RSU1: variants seen among roughly 807,000 people sequenced by gnomAD.
RSU1 encodes Ras suppressor protein 1.
A neutral mutation model predicts 31.1 loss-of-function variants in RSU1; 26 were observed. That is an observed-to-expected ratio of 0.84 (90% confidence interval 0.61 to 1.16). RSU1 has a LOEUF of 1.16. Among genes scored for constraint, RSU1 ranks in the 50% most tolerant of loss-of-function variants. The pLI is 0.00. For synonymous variants in RSU1, 164 were observed against 136.3 expected (o/e 1.20, Z -1.41); for missense variants, 320 against 339.1 (o/e 0.94, Z 0.44).
rs954737564 is a variant in RSU1, at chr10:16,782,708, T to C, written c.110-624A>G. Among the ~76,000 whole-genome samples the C allele has an allele frequency of 1.6e-4, 24 of 152,292 alleles. No individual in the cohort carries two copies. In the Middle Eastern group the frequency reaches 0.01, roughly 65 times the overall value. Reference sequence around the variant, plus strand: ...TGCTCTCTGGCTTCAAACATTATCATGGTGGTTTAATCTGCTCAGTAAGAT... The same window carrying C: ...TGCTCTCTGGCTTCAAACATTATCACGGTGGTTTAATCTGCTCAGTAAGAT... On this transcript the variant is annotated intron_variant, in intron 2 of 8. Coordinates refer to ENST00000345264, the MANE Select transcript of RSU1 (RefSeq NM_012425.4).
intron 8 of RSU1, among the ~76,000 whole-genome samples, chr10:16,661,301 T>C (rs866502495): frequency 0.01 from 1,504 of 149,780 alleles, 22 homozygotes; most frequent in African/African-American, 0.035. Flanking sequence ...TGTGTGTGTG[T>C]GTGTGTGTGT....
intron 8 of RSU1, among the ~76,000 whole-genome samples, chr10:16,662,951 C>CG (rs1834915211): frequency 6.8e-6 from 1 of 147,954 alleles, no homozygotes; most frequent in South Asian, 2.2e-4. Context: ...ATCATAATTT[C>CG]GGGGGCATCT....
chr10:16,726,953 G>C (rs1432461433), intron 7 of RSU1: 1 of 420,122 alleles, frequency 2.4e-6, no homozygotes, highest in Non-Finnish European at 4.8e-6. Flanking sequence ...CAAGATGACA[G>C]ATTCTGATGA....
chr10:16,690,558 TAA>T (rs2131558175), intron 8 of RSU1, among the ~76,000 whole-genome samples: 1 of 152,178 alleles, frequency 6.6e-6, no homozygotes, highest in Non-Finnish European at 1.5e-5. Context: ...TTCATGAAGC[TAA>T]GTCATCTCCA....
chr10:16,792,139 G>A (rs1316031326), intron 2 of RSU1, among the ~76,000 whole-genome samples: 5 of 152,168 alleles, frequency 3.3e-5, no homozygotes, highest in South Asian at 2.1e-4. Flanking sequence ...TGTAACGTTG[G>A]TCATAAAAAC....
intron 7 of RSU1, among the ~76,000 whole-genome samples, chr10:16,749,925 C>T (rs912923738): frequency 1.2e-4 from 19 of 152,168 alleles, no homozygotes; most frequent in African/African-American, 4.6e-4. Context: ...AGGACCTCAC[C>T]GTGATCAGGA....
intron 8 of RSU1, among the ~76,000 whole-genome samples, chr10:16,615,880 T>G (rs1833967773): frequency 1.3e-5 from 2 of 152,188 alleles, no homozygotes; most frequent in African/African-American, 4.8e-5. Context: ...AAGCAGTGTT[T>G]AGAGGGAAAT....
intron 4 of RSU1, 141 bp downstream of exon 4, chr10:16,764,248 AT>A (rs149163169): frequency 2.9e-5 from 28 of 974,358 alleles, no homozygotes; most frequent in Non-Finnish European, 3.6e-5. Context: ...AAACAATAAA[AT>A]TTTTTTAAGA....
chr10:16,656,857 CACT>C (rs943009439), intron 8 of RSU1, among the ~76,000 whole-genome samples: 1 of 152,160 alleles, frequency 6.6e-6, no homozygotes, highest in African/African-American at 2.4e-5. Context: ...TCCCCACTTC[CACT>C]ATTGAATCAA....
At chr10:16,604,169 T>G (rs1229680206) in intron 8 of RSU1, among the ~76,000 whole-genome samples, 1 of 152,034 alleles carries the variant, frequency 6.6e-6, no homozygotes, top group African/African-American at 2.4e-5. Flanking sequence ...ACCCCAAAAC[T>G]TGAACGTATG....
intron 8 of RSU1, among the ~76,000 whole-genome samples, chr10:16,609,142 C>T (rs1833853596): frequency 6.6e-6 from 1 of 152,110 alleles, no homozygotes; most frequent in South Asian, 2.1e-4. Flanking sequence ...GCCACGGTGC[C>T]CAGCCTAAAA....
intron 8 of RSU1, among the ~76,000 whole-genome samples, chr10:16,645,174 C>T (rs1484601119): frequency 6.6e-6 from 1 of 152,142 alleles, no homozygotes; most frequent in African/African-American, 2.4e-5. Flanking sequence ...TTGCAAATTT[C>T]GTAAACATAA....
chr10:16,772,248 G>A (rs1278899337), intron 3 of RSU1, among the ~76,000 whole-genome samples: 1 of 152,168 alleles, frequency 6.6e-6, no homozygotes, highest in East Asian at 1.9e-4. Context: ...ATGTTCCTGA[G>A]CTATAAAAAG....
intron 8 of RSU1, among the ~76,000 whole-genome samples, chr10:16,605,009 A>G (rs939419639): frequency 3.3e-5 from 5 of 152,208 alleles, no homozygotes; most frequent in African/African-American, 1.2e-4. Context: ...AAGCCAGCAG[A>G]CAAAGCAGGA....
chr10:16,816,599 T>C lies in RSU1; in HGVS notation c.109+374A>G, dbSNP rs150020723. ...AGAATGCTTATTAACCATGGAACTT[T>C]TCTGTGTCATTTGTTCATGGACAAA... On this transcript the variant is annotated intron_variant, in intron 2 of 8. Coordinates refer to ENST00000345264, the MANE Select transcript of RSU1 (RefSeq NM_012425.4). Among the ~76,000 whole-genome samples, 502 of 152,344 alleles carry C rather than the reference T, an allele frequency of 3.3e-3. 7 individuals are homozygous for C. The highest frequency in any genetic ancestry group is 0.012 in the African/African-American group (489 of 41,570).
chr10:16,747,291 C>A (rs1836875026), intron 7 of RSU1, among the ~76,000 whole-genome samples: 1 of 152,080 alleles, frequency 6.6e-6, no homozygotes, highest in Admixed American at 6.6e-5. Context: ...CTGATAATGC[C>A]CCAAACTATA....
intron 7 of RSU1, among the ~76,000 whole-genome samples, chr10:16,745,326 T>C (rs1836828831): frequency 6.6e-6 from 1 of 152,176 alleles, no homozygotes; most frequent in Non-Finnish European, 1.5e-5. Flanking sequence ...TGGGAGCTGT[T>C]ATTACCCTCA....
intron 2 of RSU1, among the ~76,000 whole-genome samples, chr10:16,788,547 C>T (rs559110582): frequency 1.1e-4 from 16 of 152,290 alleles, no homozygotes; most frequent in Admixed American, 3.3e-4. Flanking sequence ...ACAATGCATC[C>T]GTCAGTACCT....
chr10:16,645,952 ATATACATATATGTG>A lies in RSU1; in HGVS notation c.731+49057_731+49070del, dbSNP rs1564298391. On this transcript the variant is annotated intron_variant, in intron 8 of 8. Transcript: ENST00000345264. ...TACACATATGTGTATATATATGTGT[ATATACATATATGTG>A]TATATATATGTGTATATACATATAT... Among the ~76,000 whole-genome samples the A allele has an allele frequency of 4.2e-4, 33 of 78,320 alleles. 6 individuals are homozygous for A. The highest frequency in any genetic ancestry group is 6.7e-4 in the Non-Finnish European group (28 of 41,768). The allele number at this position is 78,320 out of a possible 152,430, so 51.4% of individuals were successfully genotyped here.
Sources: allele counts gnomAD v4.1 joint callset (sites outside exome capture counted in the v4.1 genomes callset), GRCh38; gene constraint gnomAD v4.1.1; transcripts MANE v1.5; gene names NCBI Gene and HGNC (gene_info 2026-07-23, HGNC 2026-07-21).